The following TRAF3 variants were observed in gnomAD, a reference collection of about 807,000 sequenced individuals.
TRAF3 encodes the protein TNF receptor associated factor 3, also known as TNF receptor-associated factor 3.
A neutral mutation model predicts 62.3 loss-of-function variants in TRAF3; 13 were observed. That is an observed-to-expected ratio of 0.21 (90% CI 0.14 to 0.33). The LOEUF (loss-of-function observed/expected upper bound fraction) is 0.33, where lower values mean the gene tolerates loss of function less well. Among genes scored for constraint, TRAF3 ranks in the 10% least tolerant of loss-of-function variants. The probability of loss-of-function intolerance (pLI) is 1.00; values close to 1 mark genes in which losing one functional copy is unlikely to be tolerated. For synonymous variants in TRAF3, 269 were observed against 283.4 expected (o/e 0.95, Z 0.51); for missense variants, 440 against 741.8 (o/e 0.59, Z 4.73).
chr14:102,859,718 CAATT>C, intron 2 of TRAF3, among the ~76,000 whole-genome samples: 1 of 152,172 alleles, frequency 6.6e-6, no homozygotes, highest in East Asian at 1.9e-4. Flanking sequence ...ATTTTTAAGC[CAATT>C]AATCAAAGCC....
chr14:102,809,568 T>G (rs1898998091), intron 1 of TRAF3, among the ~76,000 whole-genome samples: 1 of 148,198 alleles, frequency 6.7e-6, no homozygotes, highest in African/African-American at 2.5e-5. Context: ...AGTCTTGCTC[T>G]GTTGCCCAGG....
rs141371425 is a variant in TRAF3, at chr14:102,789,942, C to G, written c.-157+12267C>G. ...TCCTGGGTTCCAGCAATTCTCATGC[C>G]TCAGTCTCCTGAGTAACTGGGACTA... On this transcript the variant is annotated intron_variant, in intron 1 of 11. Transcript: ENST00000392745. Among the ~76,000 whole-genome samples, 1,158 of 152,094 alleles carry G rather than the reference C, an allele frequency of 7.6e-3. 19 individuals carry two copies. The highest frequency in any genetic ancestry group is 0.027 in the African/African-American group (1,101 of 41,454).
intron 2 of TRAF3, among the ~76,000 whole-genome samples, chr14:102,840,347 C>T (rs1346661546): frequency 1.3e-5 from 2 of 152,202 alleles, no homozygotes; most frequent in Non-Finnish European, 2.9e-5. Flanking sequence ...CCTCCAGCCT[C>T]AGCCTCCTAA....
intron 9 of TRAF3, among the ~76,000 whole-genome samples, chr14:102,892,820 A>G: frequency 6.6e-6 from 1 of 152,356 alleles, no homozygotes; most frequent in East Asian, 1.9e-4. Context: ...GAGAAGCAGC[A>G]GGAGGATCGG....
chr14:102,822,138 C>T (rs185741914), intron 1 of TRAF3, among the ~76,000 whole-genome samples: 111 of 152,010 alleles, frequency 7.3e-4, no homozygotes, highest in African/African-American at 2.3e-3. Flanking sequence ...ATGTTTTCTT[C>T]GGGATTAAAA....
intron 9 of TRAF3, among the ~76,000 whole-genome samples, chr14:102,893,140 G>C (rs1889816306): frequency 6.6e-6 from 1 of 151,938 alleles, no homozygotes; most frequent in African/African-American, 2.4e-5. Context: ...TGTAATCCCA[G>C]CACTTTGGGA....
rs8003674 is a variant in TRAF3 at position 102,791,903 on chromosome 14, C to A, written c.-157+14228C>A. ...TCATGGCTGACTTCAACCTCTGCCT[C>A]CCAGGCTCAAGCGATCCTCTCACCT... is the stretch of plus-strand genomic sequence containing the variant. On this transcript the variant is annotated intron_variant, in intron 1 of 11. Coordinates refer to ENST00000392745, the MANE Select transcript of TRAF3 (RefSeq NM_145725.3). Among the ~76,000 whole-genome samples, 1,067 of 151,944 alleles carry A rather than the reference C, an allele frequency of 7.0e-3. 21 individuals are homozygous for A. The highest frequency in any genetic ancestry group is 0.024 in the African/African-American group (1,007 of 41,456).
At chr14:102,905,138 C>T (rs1890522564) in intron 11 of TRAF3, 75 bp from the exon 12 acceptor site, 1 of 1,397,956 alleles carries the variant, frequency 7.2e-7, no homozygotes, top group Non-Finnish European at 1.0e-6. Flanking sequence ...ATAACGAGTG[C>T]TGGTGCAGCT....
chr14:102,889,153 A>T (rs1889568630), intron 7 of TRAF3, among the ~76,000 whole-genome samples: 1 of 152,232 alleles, frequency 6.6e-6, no homozygotes, highest in Non-Finnish European at 1.5e-5. Flanking sequence ...TGTACCGTAT[A>T]TTAGGTGTGT....
At chr14:102,792,432 A>G (rs1211403074) in intron 1 of TRAF3, among the ~76,000 whole-genome samples, 1 of 122,744 alleles carries the variant, frequency 8.1e-6, no homozygotes, top group Non-Finnish European at 1.7e-5. Context: ...CAGTTAATTG[A>G]TTTTTTTTTT....
rs200388903 is a variant in TRAF3, at chr14:102,845,518, A to T, written c.-18+15046A>T. ...TGCCCAGCCTAAAAATAAAAAAAAA[A>T]TTTTTTTTTTTTTTCAAGACGGAGT... On this transcript the variant is annotated intron_variant, in intron 2 of 11. Transcript: ENST00000392745. Among the ~76,000 whole-genome samples, 150 of 135,888 alleles carry T rather than the reference A, an allele frequency of 1.1e-3. No individual in the cohort carries two copies. The Middle Eastern group carries it at 0.027, about 24-fold the overall frequency. 89.1% of individuals were successfully genotyped at this position (135,888 alleles called of 152,430 possible).
chr14:102,893,220 CA>C (rs1256677180), intron 9 of TRAF3, among the ~76,000 whole-genome samples: 284 of 139,788 alleles, frequency 2.0e-3, no homozygotes, highest in Middle Eastern at 0.011. Context: ...CCGTCTCTAC[CA>C]AAAAAAAAAA....
chr14:102,868,519 G>A (rs1888141224), intron 2 of TRAF3, among the ~76,000 whole-genome samples: 1 of 152,174 alleles, frequency 6.6e-6, no homozygotes, highest in Non-Finnish European at 1.5e-5. Context: ...CAGAAGCCTC[G>A]TAAAGGTCGT....
At chr14:102,791,805 T>C (rs1212273347) in intron 1 of TRAF3, among the ~76,000 whole-genome samples, 2 of 147,356 alleles carry the variant, frequency 1.4e-5, no homozygotes, top group East Asian at 4.2e-4. Flanking sequence ...CTGTGTTTTC[T>C]TTCTTTCCTT....
chr14:102,826,253 G>A lies in TRAF3; in HGVS notation c.-156-4081G>A, dbSNP rs531044809. The stretch of plus-strand genomic sequence containing the variant: ...GAACTGACTGTGCCTCAGCATCCTC[G>A]TCTGTCTGGTGGAGCCGCCTCACAG... On this transcript the variant is annotated intron_variant, in intron 1 of 11. Transcript: ENST00000392745. The surrounding 1 kb of genome is among the most constrained non-coding windows in gnomAD (Gnocchi z 4.6). 6.0e-4 allele frequency among the ~76,000 whole-genome samples: 92 copies of A among 152,190 alleles called. No homozygotes were observed. Among genetic ancestry groups the A allele is most frequent in the Non-Finnish European group, 8.8e-4 (60 of 67,994 alleles).
chr14:102,824,179 T>G (rs927188768), intron 1 of TRAF3, among the ~76,000 whole-genome samples: 1 of 152,372 alleles, frequency 6.6e-6, no homozygotes, highest in Admixed American at 6.5e-5. Flanking sequence ...CATTTATGTT[T>G]GTACAGACAG....
intron 1 of TRAF3, among the ~76,000 whole-genome samples, chr14:102,825,194 C>T (rs185205932): frequency 1.8e-4 from 28 of 152,330 alleles, no homozygotes; most frequent in African/African-American, 4.8e-4. Flanking sequence ...AGCGTCAGGC[C>T]GCTCAGAGCC....
At chr14:102,901,110 T>C (rs1890273966) in intron 10 of TRAF3, among the ~76,000 whole-genome samples, 1 of 152,214 alleles carries the variant, frequency 6.6e-6, no homozygotes, top group Admixed American at 6.5e-5. Flanking sequence ...TTAGTCGTGC[T>C]GGTCTGTGCA....
chr14:102,816,717 T>A (rs559304735), intron 1 of TRAF3, among the ~76,000 whole-genome samples: 1 of 152,338 alleles, frequency 6.6e-6, no homozygotes, highest in South Asian at 2.1e-4. Context: ...CTTGATTCGA[T>A]TCTCTGTTGT....
Sources: gnomAD v4.1 joint callset for allele counts (sites outside exome capture counted in the v4.1 genomes callset) on GRCh38, gnomAD v4.1.1 for gene constraint, Gnocchi (gnomAD v3.1) non-coding constraint, MANE v1.5 for transcripts, NCBI Gene and HGNC (gene_info 2026-07-23, HGNC 2026-07-21) for gene names.